The following SPAG17 variants were observed in gnomAD, a reference collection of about 807,000 sequenced individuals.
SPAG17 encodes sperm-associated antigen 17.
Under a neutral mutation model 273.6 loss-of-function variants are expected in SPAG17, and 169 were observed. The ratio of observed to expected loss-of-function variants is 0.62; its 90% CI spans 0.55 to 0.70. The LOEUF (loss-of-function observed/expected upper bound fraction) is 0.70, where lower values mean the gene tolerates loss of function less well. SPAG17 is among the 30% of genes least tolerant of loss of function. The pLI, the probability that SPAG17 is intolerant of heterozygous loss-of-function variation, is 0.00. For missense variants in SPAG17, 2,557 were observed against 2,627.8 expected, an observed-to-expected ratio of 0.97 and a Z score of 0.59; for synonymous variants, 825 against 873.2, an observed-to-expected ratio of 0.94 and a Z score of 0.97.
chr1:117,981,463 A>C, intron 42 of SPAG17, 62 bp from the exon 43 acceptor site: 1 of 1,494,332 alleles, frequency 6.7e-7, no homozygotes, highest in Non-Finnish European at 9.0e-7. Context: ...ATGACTACTA[A>C]TGTTTGCATG....
chr1:117,967,255 G>A (rs1488011710), intron 46 of SPAG17, among the ~76,000 whole-genome samples: 5 of 141,286 alleles, frequency 3.5e-5, no homozygotes, highest in Non-Finnish European at 6.0e-5. Context: ...CCGAGATCGC[G>A]CCACTGCACT....
intron 24 of SPAG17, among the ~76,000 whole-genome samples, chr1:118,034,029 C>G (rs1007681831): frequency 6.6e-6 from 1 of 152,144 alleles, no homozygotes; most frequent in African/African-American, 2.4e-5. Context: ...TGGCTCAGTG[C>G]CAGCAAGTTG....
rs1167417654 is a variant in SPAG17, at chr1:118,133,390, G to GCTCC, written c.315+17152_315+17153insGGAG. On this transcript the variant is annotated intron_variant, in intron 3 of 48. Coordinates refer to ENST00000336338, the MANE Select transcript of SPAG17 (RefSeq NM_206996.4). ...GGACGTAAGTGTGGCTGCCCTTGGAGAAGGGCAGGCTCAGAAGTACCTAGG... is the reference window on the plus strand; with the variant it reads ...GGACGTAAGTGTGGCTGCCCTTGGAGCTCCAAGGGCAGGCTCAGAAGTACCTAGG... Among the ~76,000 whole-genome samples, 691 of 152,216 alleles carry GCTCC rather than the reference G, an allele frequency of 4.5e-3. 7 individuals are homozygous for GCTCC. Among genetic ancestry groups the GCTCC allele is most frequent in the African/African-American group, 0.016 (664 of 41,526 alleles).
intron 1 of SPAG17, among the ~76,000 whole-genome samples, chr1:118,182,155 C>G (rs1317362304): frequency 6.6e-6 from 1 of 151,974 alleles, no homozygotes; most frequent in Admixed American, 6.6e-5. Flanking sequence ...ATGAATGAAC[C>G]TTGAAGACAT....
At chr1:118,168,363 A>AT (rs1660266692) in intron 1 of SPAG17, among the ~76,000 whole-genome samples, 1 of 152,140 alleles carries the variant, frequency 6.6e-6, no homozygotes, top group South Asian at 2.1e-4. Context: ...AACGTTTTCA[A>AT]TATCTGTAAG....
chr1:118,116,436 C>G (rs1657082952), intron 3 of SPAG17, among the ~76,000 whole-genome samples: 1 of 152,034 alleles, frequency 6.6e-6, no homozygotes, highest in South Asian at 2.1e-4. Context: ...CTTTTCTCCC[C>G]CCTTGGAGTA....
At position 117,964,459 on chromosome 1, in the gene SPAG17, G is replaced by GTT. The variant is rs1653554823; in HGVS notation, c.6533-522_6533-521insAA. ...TTGCATCTAATAACCTGTGTGGAGA[G>GTT]GGTAAGGGCACTTGATTTAGTTACC... is the stretch of plus-strand genomic sequence containing the variant. On this transcript the variant is annotated intron_variant, in intron 47 of 48. Transcript: ENST00000336338. 2.0e-5 allele frequency: 3 copies of GTT among 152,056 alleles called. No individual in the cohort carries two copies. The South Asian group carries it at 6.2e-4, about 32-fold the overall frequency. The allele number at this position is 152,056 out of a possible 1,614,324, so 9.4% of individuals were successfully genotyped here.
intron 30 of SPAG17, among the ~76,000 whole-genome samples, chr1:118,011,303 A>G (rs1297461441): frequency 6.6e-6 from 1 of 152,222 alleles, no homozygotes; most frequent in Non-Finnish European, 1.5e-5. Context: ...TCACAATAGT[A>G]AAGATATGGA....
At chr1:118,150,400 T>C in intron 3 of SPAG17, 143 bp downstream of exon 3, 1 of 430,096 alleles carries the variant, frequency 2.3e-6, no homozygotes, top group Non-Finnish European at 4.2e-6. Context: ...TTTTTGTGTG[T>C]GTTCACCATC....
intron 3 of SPAG17, among the ~76,000 whole-genome samples, chr1:118,146,097 G>A (rs577224903): frequency 6.4e-4 from 97 of 152,232 alleles, no homozygotes; most frequent in African/African-American, 2.3e-3. Flanking sequence ...CAGATAAATT[G>A]GATAAGTAAA....
chr1:117,967,656 G>A (rs1654030902), intron 46 of SPAG17, among the ~76,000 whole-genome samples: 1 of 151,144 alleles, frequency 6.6e-6, no homozygotes, highest in East Asian at 1.9e-4. Context: ...ATGCCCAACT[G>A]CTTAGTTTGA....
At chr1:118,001,109 T>A (rs1372123129) in intron 32 of SPAG17, among the ~76,000 whole-genome samples, 3 of 152,224 alleles carry the variant, frequency 2.0e-5, no homozygotes, top group Non-Finnish European at 4.4e-5. Context: ...GTTCTGTTTA[T>A]GTGATGGATT....
At chr1:118,039,033 T>C (rs1649416357) in intron 23 of SPAG17, among the ~76,000 whole-genome samples, 1 of 152,060 alleles carries the variant, frequency 6.6e-6, no homozygotes, top group Non-Finnish European at 1.5e-5. Context: ...CATTGAGAAA[T>C]CTCTGTAACT....
intron 25 of SPAG17, among the ~76,000 whole-genome samples, chr1:118,031,119 A>AGTGT (rs35930713): frequency 2.3e-4 from 34 of 147,534 alleles, no homozygotes; most frequent in African/African-American, 5.7e-4. Flanking sequence ...TTAGAGTCAA[A>AGTGT]GTGTGTGTGT....
At chr1:118,162,428 T>C (rs998530659) in intron 1 of SPAG17, among the ~76,000 whole-genome samples, 1 of 152,268 alleles carries the variant, frequency 6.6e-6, no homozygotes, top group Admixed American at 6.5e-5. Flanking sequence ...ATTCAGCTAA[T>C]ATTTACTGAG....
At chr1:118,013,508 G>A (rs569348972) in intron 29 of SPAG17, among the ~76,000 whole-genome samples, 38 of 152,234 alleles carry the variant, frequency 2.5e-4, no homozygotes, top group Middle Eastern at 3.4e-3. Context: ...TCCCGACTCC[G>A]CAAATGGCTG....
At chr1:118,144,946 C>A (rs1002196630) in intron 3 of SPAG17, among the ~76,000 whole-genome samples, 1 of 152,204 alleles carries the variant, frequency 6.6e-6, no homozygotes, top group Non-Finnish European at 1.5e-5. Context: ...AACTGGCCTG[C>A]AATTTCCTGG....
At chr1:118,179,408 A>C (rs968169054) in intron 1 of SPAG17, among the ~76,000 whole-genome samples, 2 of 151,996 alleles carry the variant, frequency 1.3e-5, no homozygotes, top group Non-Finnish European at 2.9e-5. Flanking sequence ...ATGAAACTAG[A>C]CCCCTGTCTC....
intron 3 of SPAG17, among the ~76,000 whole-genome samples, chr1:118,128,920 C>A (rs1005597079): frequency 6.6e-6 from 1 of 152,176 alleles, no homozygotes; most frequent in Non-Finnish European, 1.5e-5. Context: ...ATAATCCTAA[C>A]CCCCCTTGTC....
Sources: gnomAD v4.1 joint callset for allele counts (sites outside exome capture counted in the v4.1 genomes callset) on GRCh38, gnomAD v4.1.1 for gene constraint, MANE v1.5 for transcripts, NCBI Gene and HGNC (gene_info 2026-07-23, HGNC 2026-07-21) for gene names.